The following CHD1L variants were observed in gnomAD, a reference collection of about 807,000 sequenced individuals.
CHD1L encodes the protein ATP-dependent chromatin remodeler CHD1L.
Under a neutral mutation model 115.9 loss-of-function variants are expected in CHD1L, and 118 were observed. The ratio of observed to expected loss-of-function variants is 1.02; its 90% CI spans 0.88 to 1.19. The LOEUF (loss-of-function observed/expected upper bound fraction) is 1.19, where lower values mean the gene tolerates loss of function less well. CHD1L is among the 50% of genes most tolerant of loss of function. CHD1L has a pLI of 0.00. For missense variants in CHD1L, 1,179 were observed against 1,065.3 expected (o/e 1.11, Z -1.49); for synonymous variants, 411 against 387.1 (o/e 1.06, Z -0.72).
intron 7 of CHD1L, 139 bp from the exon 8 acceptor site, chr1:147,265,793 A>T (rs987461089): frequency 1.5e-6 from 1 of 651,830 alleles, no homozygotes; most frequent in Admixed American, 3.7e-5. Flanking sequence ...GAAATACTAT[A>T]AAAAAATGAT....
Position 147,291,521 on chromosome 1 carries a change from A to G in CHD1L, c.2360A>G (p.Asp787Gly). Reference protein sequence around the residue: ...LGGVLLFPVDDKESRNKGQDL... With the variant: ...LGGVLLFPVDGKESRNKGQDL... Reference sequence around the variant, plus strand: ...GGTGTCCTTTTATTTCCTGTTGATGATAAAGAATCAAGAAACAAAGGGCAA... The same window carrying G: ...GGTGTCCTTTTATTTCCTGTTGATGGTAAAGAATCAAGAAACAAAGGGCAA... Residue 787 changes from aspartate to glycine, a missense_variant, in exon 20 of 23, where the codon GAT becomes GGT. Asp to Gly is a moderately conservative substitution (Grantham distance 94, BLOSUM62 -1). Transcript: ENST00000369258. 6.2e-7 allele frequency: 1 copy of G among 1,613,984 alleles called. No homozygotes were observed. Among genetic ancestry groups the G allele is most frequent in the Non-Finnish European group, 8.5e-7 (1 of 1,179,930 alleles).
intron 21 of CHD1L, 50 bp from the exon 22 acceptor site, chr1:147,294,359 A>G (rs1371633953): frequency 4.5e-6 from 6 of 1,345,548 alleles, no homozygotes; most frequent in Non-Finnish European, 6.3e-6. Flanking sequence ...TTTTATACCC[A>G]TCAATCAATT....
At chr1:147,224,704 G>T in the CHD1L span, among the ~76,000 whole-genome samples, 1 of 151,920 alleles carries the variant, frequency 6.6e-6, no homozygotes, top group South Asian at 2.1e-4. Flanking sequence ...TAGAGACGAG[G>T]TTTCACCGTG....
At chr1:147,178,697 A>C in the CHD1L span, 3 of 1,576,330 alleles carry the variant, frequency 1.9e-6, no homozygotes, top group Non-Finnish European at 2.6e-6. Context: ...CTGGTGAACG[A>C]GTATGATGAT....
the CHD1L span, among the ~76,000 whole-genome samples, chr1:147,218,182 A>G: frequency 6.6e-6 from 1 of 152,200 alleles, no homozygotes; most frequent in Non-Finnish European, 1.5e-5. Context: ...ATTAGTAACA[A>G]TGTTAAATGT....
the CHD1L span, among the ~76,000 whole-genome samples, chr1:147,206,818 CAA>C: frequency 0.19 from 8,457 of 45,508 alleles, 269 homozygotes; most frequent in African/African-American, 0.45. Context: ...ATGTAAATGA[CAA>C]GTTAATGGAT....
chr1:147,259,923 A>G lies in CHD1L; in HGVS notation c.576+5A>G, dbSNP rs1553942842. ...CTGCATAAGACCTTGTCAGAGGTAA[A>G]CTTACAGTGTAGCCTTAGTTTTTAT... On this transcript the variant is annotated splice_donor_5th_base_variant and intron_variant, in intron 6 of 22. Coordinates refer to ENST00000369258, the MANE Select transcript of CHD1L (RefSeq NM_004284.6). 6.2e-7 allele frequency: 1 copy of G among 1,610,482 alleles called. No individual in the cohort carries two copies. Among genetic ancestry groups the G allele is most frequent in the South Asian group, 1.1e-5 (1 of 90,820 alleles).
the CHD1L span, among the ~76,000 whole-genome samples, chr1:147,194,911 C>T: frequency 6.6e-5 from 10 of 151,978 alleles, no homozygotes; most frequent in South Asian, 2.1e-3. Flanking sequence ...TTGTGGGTAA[C>T]CCGACCTTTC....
chr1:147,257,376 T>G (rs1039893930), intron 5 of CHD1L, among the ~76,000 whole-genome samples: 3 of 152,196 alleles, frequency 2.0e-5, no homozygotes, highest in African/African-American at 7.2e-5. Flanking sequence ...GTCATAGATT[T>G]CATGACTTCT....
At chr1:147,278,771 G>A (rs1347824054) in intron 14 of CHD1L, among the ~76,000 whole-genome samples, 1 of 152,068 alleles carries the variant, frequency 6.6e-6, no homozygotes, top group Non-Finnish European at 1.5e-5. Flanking sequence ...ATAACAGCAG[G>A]ATGAGATAGA....
intron 9 of CHD1L, 91 bp downstream of exon 9, chr1:147,267,609 TTACTTTGTC>T (rs1422307329): frequency 2.3e-5 from 21 of 896,900 alleles, no homozygotes; most frequent in South Asian, 3.3e-5. Flanking sequence ...TTGCATATAC[TTACTTTGTC>T]TACTTTGTTT....
chr1:147,208,436 TTTCTTTTC>T, the CHD1L span: 23 of 25,596 alleles, frequency 9.0e-4, no homozygotes, highest in African/African-American at 3.7e-3. Flanking sequence ...TTTCTTTTCT[TTTCTTTTC>T]TTTTTTTTTT....
intron 6 of CHD1L, 55 bp from the exon 7 acceptor site, chr1:147,264,367 C>T: frequency 1.4e-6 from 2 of 1,469,122 alleles, no homozygotes; most frequent in South Asian, 1.3e-5. Context: ...ATGGGTAACT[C>T]AGCCTTGCAT....
chr1:147,181,321 G>A, the CHD1L span, among the ~76,000 whole-genome samples: 1 of 152,244 alleles, frequency 6.6e-6, no homozygotes, highest in Admixed American at 6.5e-5. Context: ...CAAACAATGT[G>A]ATTTATGCTG....
intron 15 of CHD1L, among the ~76,000 whole-genome samples, chr1:147,281,464 G>GTTGTC (rs1680819979): frequency 2.0e-5 from 3 of 152,216 alleles, no homozygotes; most frequent in African/African-American, 7.2e-5. Context: ...GGGTGGTTTT[G>GTTGTC]TTGTCCTTGT....
At chr1:147,214,015 A>G in the CHD1L span, among the ~76,000 whole-genome samples, 1 of 152,162 alleles carries the variant, frequency 6.6e-6, no homozygotes, top group African/African-American at 2.4e-5. Flanking sequence ...ACAAAGAACT[A>G]TAAAGAAAGA....
chr1:147,216,514 GT>G, the CHD1L span, among the ~76,000 whole-genome samples: 2 of 152,012 alleles, frequency 1.3e-5, no homozygotes, highest in African/African-American at 2.4e-5. Context: ...CATCTCCAGC[GT>G]TTTCTGGAGA....
chr1:147,235,103 G>GTA, the CHD1L span, among the ~76,000 whole-genome samples: 6 of 151,802 alleles, frequency 4.0e-5, no homozygotes, highest in Admixed American at 3.9e-4. Flanking sequence ...GTGTGTGTGT[G>GTA]TGTGTGTGTG....
At chr1:147,232,750 C>T in the CHD1L span, among the ~76,000 whole-genome samples, 25 of 152,334 alleles carry the variant, frequency 1.6e-4, 1 homozygote, top group African/African-American at 5.3e-4. Flanking sequence ...ATATGCCAGC[C>T]TCGGCCTCTG....
Sources: gnomAD v4.1 joint callset for allele counts (sites outside exome capture counted in the v4.1 genomes callset) on GRCh38, gnomAD v4.1.1 for gene constraint, MANE v1.5 for transcripts, NCBI Gene and HGNC (gene_info 2026-07-23, HGNC 2026-07-21) for gene names.